Variants in REV3L observed in about 807,000 individuals in gnomAD.
REV3L encodes REV3 like, DNA directed polymerase zeta catalytic subunit.
A neutral mutation model predicts 299.4 loss-of-function variants in REV3L; 69 were observed. The observed-to-expected ratio is 0.23, with a 90% CI of 0.19 to 0.28. REV3L has a LOEUF of 0.28. Ranked by LOEUF, REV3L falls within the 10% of genes least tolerant of loss-of-function variation. The pLI, the probability that REV3L is intolerant of heterozygous loss-of-function variation, is 1.00. For synonymous variants in REV3L, 1,238 were observed against 1,271.4 expected (o/e 0.97, Z 0.56); for missense variants, 3,128 against 3,693.8 (o/e 0.85, Z 3.97).
chr6:111,412,519 T>C (rs145096148), intron 2 of REV3L, among the ~76,000 whole-genome samples: 55 of 152,178 alleles, frequency 3.6e-4, no homozygotes, highest in Admixed American at 7.2e-4. Flanking sequence ...GGCTGAAAAG[T>C]GGTCTGTTAA....
chr6:111,311,400 T>C, intron 28 of REV3L, 141 bp from the exon 29 acceptor site: 1 of 498,342 alleles, frequency 2.0e-6, no homozygotes. Context: ...GATGGGATAA[T>C]AAAATTATTA....
At chr6:111,423,273 C>T (rs1049301492) in intron 1 of REV3L, among the ~76,000 whole-genome samples, 7 of 152,082 alleles carry the variant, frequency 4.6e-5, no homozygotes, top group Admixed American at 1.3e-4. Flanking sequence ...GCTATATCCA[C>T]AAGTATCTAA....
At chr6:111,476,108 C>T (rs1033735688) in intron 1 of REV3L, among the ~76,000 whole-genome samples, 2 of 152,082 alleles carry the variant, frequency 1.3e-5, no homozygotes, top group African/African-American at 4.8e-5. Flanking sequence ...GGGACCAAAC[C>T]TGAATGTAAT....
Position 111,373,095 on chromosome 6 carries a change from G to A in REV3L, c.5260C>T (p.Arg1754Trp), listed in dbSNP as rs373192730. The A allele has an allele frequency of 1.7e-5, 27 of 1,613,960 alleles. No individual in the cohort carries two copies. The highest frequency in any genetic ancestry group is 2.1e-5 in the Non-Finnish European group (25 of 1,180,006). Residue 1754 changes from arginine (R) to tryptophan (W), a missense_variant, in exon 13 of 32, where the codon CGG (arginine) becomes TGG (tryptophan). Arg to Trp is a moderately radical substitution (Grantham distance 101). Around this residue, in one of 9 missense-constraint regions of REV3L, gnomAD observed 2,409 missense variants for 2,611.8 expected, o/e 0.92. Coordinates refer to ENST00000368802, the MANE Select transcript of REV3L (RefSeq NM_001372078.1). ...AAAGAATCCATTATTGAGTTAGACCGAGTTGTTAGAGGATGAAAGCTATTT... is the reference window on the plus strand; with the variant it reads ...AAAGAATCCATTATTGAGTTAGACCAAGTTGTTAGAGGATGAAAGCTATTT... Reference protein sequence around the residue: ...WKNSFHPLTTRSNSIMDSFCV... With the variant: ...WKNSFHPLTTWSNSIMDSFCV...
chr6:111,372,610 T>G lies in REV3L; in HGVS notation c.5745A>C (p.Val1915=). The G allele has an allele frequency of 6.7e-7, 1 of 1,483,076 alleles. No homozygotes were observed. The highest frequency in any genetic ancestry group is 8.9e-7 in the Non-Finnish European group (1 of 1,117,550). The allele number at this position is 1,483,076 out of a possible 1,614,324, so 91.9% of individuals were successfully genotyped here. The change falls in exon 13 of 32, where the codon GTA becomes GTC. Residue 1915 remains valine (V), a synonymous_variant. Transcript: ENST00000368802. Reference sequence around the variant, plus strand: ...TAACTGATTACCTGGGCTTTTCTGGTACATCAGAAGGATTACTGCAAAATG... The same window carrying G: ...TAACTGATTACCTGGGCTTTTCTGGGACATCAGAAGGATTACTGCAAAATG... ...QEPFCSNPSD[V]PEKPREIGGR...
chr6:111,415,288 C>T (rs778446802), intron 2 of REV3L, among the ~76,000 whole-genome samples: 2 of 152,136 alleles, frequency 1.3e-5, no homozygotes, highest in Non-Finnish European at 2.9e-5. Flanking sequence ...GAGAAGGCAG[C>T]CAGAAGAAGC....
At position 111,461,341 on chromosome 6, in the gene REV3L, T is replaced by C. The variant is rs114406683; in HGVS notation, c.139+21409A>G. Among the ~76,000 whole-genome samples, 1,331 of 152,136 alleles carry C rather than the reference T, an allele frequency of 8.7e-3. 17 individuals are homozygous for C. The highest frequency in any genetic ancestry group is 0.031 in the African/African-American group (1,268 of 41,540). On this transcript the variant is annotated intron_variant, in intron 1 of 31. Transcript: ENST00000368802. Reference sequence around the variant, plus strand: ...AAAGTAAAAATTAAAAATTTTTAAATAGAAAAAAGCTTACAGAATGAGGAC... The same window carrying C: ...AAAGTAAAAATTAAAAATTTTTAAACAGAAAAAAGCTTACAGAATGAGGAC...
rs1289087804 is a variant in REV3L at position 111,380,037 on chromosome 6, A to G, written c.1399T>C (p.Leu467=). The G allele has an allele frequency of 6.2e-7, 1 of 1,614,042 alleles. No homozygotes were observed. The highest frequency in any genetic ancestry group is 8.5e-7 in the Non-Finnish European group (1 of 1,179,966). ...CTGTCCCATCTCTGGGACATCACCAAACTAAGCTCCATTTCCTCTTTTTCA... is the reference window on the plus strand; with the variant it reads ...CTGTCCCATCTCTGGGACATCACCAGACTAAGCTCCATTTCCTCTTTTTCA... The part of the protein sequence containing the change: ...QIEKEEMELS[L]VMSQRWDSNI... The change falls in exon 11 of 32, where the codon TTG becomes CTG. Residue 467 remains leucine (L), a synonymous_variant. Transcript: ENST00000368802.
In REV3L at chr6:111,343,937, G is replaced by T; in HGVS notation, c.7526C>A (p.Thr2509Lys). The change falls in exon 21 of 32, where the codon ACA (threonine) becomes AAA (lysine). Residue 2509 changes from threonine to lysine, a missense_variant. Coordinates refer to ENST00000368802, the MANE Select transcript of REV3L (RefSeq NM_001372078.1). ...TATAGAACAGTACCTGTATAGATCT[G>T]TCTTGTTATCAAACCAGTCTGACAA... is the stretch of plus-strand genomic sequence containing the variant. The part of the protein sequence containing the change: ...RVLSDWFDNK[T>K]DLYRWKMVDH... 6.3e-7 allele frequency: 1 copy of T among 1,596,576 alleles called. No individual in the cohort carries two copies. The highest frequency in any genetic ancestry group is 8.6e-7 in the Non-Finnish European group (1 of 1,166,518).
intron 31 of REV3L, among the ~76,000 whole-genome samples, chr6:111,303,671 C>CT (rs144753407): frequency 0.18 from 10,177 of 55,984 alleles, 1,784 homozygotes; most frequent in East Asian, 0.37. Context: ...CCAGCCGAGG[C>CT]TTTTTTTTTT....
At chr6:111,319,570 A>G (rs1385475726) in intron 26 of REV3L, among the ~76,000 whole-genome samples, 2 of 152,172 alleles carry the variant, frequency 1.3e-5, no homozygotes, top group African/African-American at 2.4e-5. Flanking sequence ...TGTAGTTAGA[A>G]TAAGACCTAG....
chr6:111,454,861 T>C (rs1308171710), intron 1 of REV3L, among the ~76,000 whole-genome samples: 2 of 152,116 alleles, frequency 1.3e-5, no homozygotes, highest in East Asian at 3.9e-4. Flanking sequence ...AGATGGGATT[T>C]CTCCATGTTG....
intron 1 of REV3L, among the ~76,000 whole-genome samples, chr6:111,464,729 T>A (rs914317702): frequency 6.6e-6 from 1 of 152,164 alleles, no homozygotes; most frequent in Admixed American, 6.5e-5. Context: ...GGGCCGGGCA[T>A]GGTTGCTCAC....
At chr6:111,329,963 C>A (rs1400767031) in intron 24 of REV3L, among the ~76,000 whole-genome samples, 1 of 152,136 alleles carries the variant, frequency 6.6e-6, no homozygotes, top group Non-Finnish European at 1.5e-5. Flanking sequence ...TCTAACAGAG[C>A]ACTTCTATGT....
intron 21 of REV3L, among the ~76,000 whole-genome samples, chr6:111,342,464 C>T (rs947774088): frequency 2.0e-5 from 3 of 152,004 alleles, no homozygotes; most frequent in Non-Finnish European, 4.4e-5. Flanking sequence ...GTCAGGAGAT[C>T]GAGCCCATCC....
intron 1 of REV3L, among the ~76,000 whole-genome samples, chr6:111,442,680 T>C (rs1390665782): frequency 6.7e-6 from 1 of 149,498 alleles, no homozygotes; most frequent in African/African-American, 2.4e-5. Flanking sequence ...TATTCATTGC[T>C]CATTTTTTTC....
At chr6:111,433,724 C>T (rs1787211989) in intron 1 of REV3L, among the ~76,000 whole-genome samples, 1 of 152,132 alleles carries the variant, frequency 6.6e-6, no homozygotes, top group Non-Finnish European at 1.5e-5. Context: ...TACCCTGATA[C>T]CAAAACCAGA....
At chr6:111,313,280 G>C (rs1271055855) in intron 28 of REV3L, 72 bp downstream of exon 28, 2 of 1,396,108 alleles carry the variant, frequency 1.4e-6, no homozygotes, top group African/African-American at 2.9e-5. Context: ...CATGTTTAAG[G>C]GTAGTTACAT....
At position 111,401,343 on chromosome 6, in the gene REV3L, C is replaced by A. The variant is rs185269432; in HGVS notation, c.565+4127G>T. ...TCTATCTTCCCTCTTCCTTCCTTTC[C>A]TTTCAGTCATTATGGAGAAAAAGCC... is the stretch of plus-strand genomic sequence containing the variant. On this transcript the variant is annotated intron_variant, in intron 4 of 31. Transcript: ENST00000368802. 5.6e-4 allele frequency among the ~76,000 whole-genome samples: 86 copies of A among 152,304 alleles called. No homozygotes were observed. In the East Asian group the frequency reaches 0.015, roughly 27 times the overall value.
Sources: allele counts gnomAD v4.1 joint callset (sites outside exome capture counted in the v4.1 genomes callset), GRCh38; gene constraint gnomAD v4.1.1; regional missense constraint gnomAD v4.1.1; transcripts MANE v1.5; gene names NCBI Gene and HGNC (gene_info 2026-07-23, HGNC 2026-07-21).